Variants in DIAPH3 observed in about 807,000 individuals in gnomAD.
DIAPH3 encodes diaphanous related formin 3.
DIAPH3 carries 117 observed loss-of-function variants against 144.3 expected under a neutral mutation model. The observed-to-expected ratio is 0.81, with a 90% CI of 0.70 to 0.95. The LOEUF is 0.95. Among genes scored for constraint, DIAPH3 ranks in the 40% least tolerant of loss-of-function variants. DIAPH3 has a pLI of 0.00. For missense variants in DIAPH3, 1,421 were observed against 1,412.7 expected, an observed-to-expected ratio of 1.01 and a Z score of -0.09; for synonymous variants, 519 against 488.9, an observed-to-expected ratio of 1.06 and a Z score of -0.81.
intron 27 of DIAPH3, among the ~76,000 whole-genome samples, chr13:59,678,456 A>G (rs2032761529): frequency 6.6e-6 from 1 of 152,158 alleles, no homozygotes; most frequent in Admixed American, 6.5e-5. Flanking sequence ...TTACAGGTTT[A>G]CAGACAAGTG....
chr13:59,670,468 A>G (rs2032300302), intron 27 of DIAPH3, among the ~76,000 whole-genome samples: 2 of 152,150 alleles, frequency 1.3e-5, no homozygotes, highest in African/African-American at 4.8e-5. Context: ...TGTAGAAATG[A>G]GCAAGTCAGA....
intron 1 of DIAPH3, among the ~76,000 whole-genome samples, chr13:60,162,649 C>G (rs1468329377): frequency 6.6e-6 from 1 of 152,142 alleles, no homozygotes; most frequent in African/African-American, 2.4e-5. Context: ...TATGGGCTCT[C>G]AGTCTTATTC....
intron 27 of DIAPH3, among the ~76,000 whole-genome samples, chr13:59,687,360 T>G (rs1166345074): frequency 6.6e-6 from 1 of 152,066 alleles, no homozygotes; most frequent in African/African-American, 2.4e-5. Flanking sequence ...CAAAATAACT[T>G]AGTTTGGACT....
At chr13:59,918,710 G>A (rs2047362123) in intron 18 of DIAPH3, among the ~76,000 whole-genome samples, 7 of 152,054 alleles carry the variant, frequency 4.6e-5, no homozygotes, top group Admixed American at 4.6e-4. Flanking sequence ...ACTTACTGTT[G>A]AAAGATGACC....
At chr13:60,007,262 G>T (rs60419469) in intron 9 of DIAPH3, among the ~76,000 whole-genome samples, 5,553 of 152,172 alleles carry the variant, frequency 0.036, 130 homozygotes, top group East Asian at 0.074. Flanking sequence ...TGTTGGCCAG[G>T]CTGGTCTTGA....
chr13:59,791,437 T>C (rs2039319434), intron 25 of DIAPH3, among the ~76,000 whole-genome samples: 1 of 152,196 alleles, frequency 6.6e-6, no homozygotes, highest in African/African-American at 2.4e-5. Context: ...CTCCCCTCTT[T>C]CAAAGTAGCT....
chr13:59,993,702 T>TAAAA (rs3078724), intron 9 of DIAPH3, among the ~76,000 whole-genome samples: 6 of 73,870 alleles, frequency 8.1e-5, no homozygotes, highest in African/African-American at 2.4e-4. Context: ...GAAACATACT[T>TAAAA]AAAAAAAAAA....
At chr13:59,958,296 A>T (rs1268601065) in intron 17 of DIAPH3, among the ~76,000 whole-genome samples, 3 of 152,212 alleles carry the variant, frequency 2.0e-5, no homozygotes, top group Non-Finnish European at 4.4e-5. Context: ...AAAGGTCTCT[A>T]TTGCCAGAGT....
At chr13:59,788,657 C>G (rs918572919) in intron 25 of DIAPH3, among the ~76,000 whole-genome samples, 2 of 152,106 alleles carry the variant, frequency 1.3e-5, no homozygotes, top group African/African-American at 4.8e-5. Flanking sequence ...ACTATGACAT[C>G]CATATACCAG....
chr13:60,088,527 T>C lies in DIAPH3; in HGVS notation c.495+5101A>G, dbSNP rs140766289. ...GCCTCTCAGGACTTCCCTAGTTTCATATTGCCGCAGATTACCCGGACAAAC... is the reference window on the plus strand; with the variant it reads ...GCCTCTCAGGACTTCCCTAGTTTCACATTGCCGCAGATTACCCGGACAAAC... On this transcript the variant is annotated intron_variant, in intron 4 of 27. Transcript: ENST00000400324. Among the ~76,000 whole-genome samples the C allele has an allele frequency of 3.3e-3, 495 of 152,260 alleles. 3 individuals carry two copies. The highest frequency in any genetic ancestry group is 0.011 in the African/African-American group (454 of 41,550).
intron 2 of DIAPH3, among the ~76,000 whole-genome samples, chr13:60,124,657 G>A (rs963228811): frequency 2.6e-5 from 4 of 151,756 alleles, no homozygotes; most frequent in Non-Finnish European, 4.4e-5. Context: ...ATTAAGATAC[G>A]GTCTTGGTAA....
In DIAPH3 at chr13:59,791,587, CTT is replaced by C. The variant is rs2039327537; in HGVS notation, c.3164-16766_3164-16765del. The stretch of plus-strand genomic sequence containing the variant: ...TAAAGCTCATTCTTTCCACTATAGA[CTT>C]TTATTGAGAGAGGTGTTACATGAAA... On this transcript the variant is annotated intron_variant, in intron 25 of 27. Transcript: ENST00000400324. 3.9e-5 allele frequency among the ~76,000 whole-genome samples: 6 copies of C among 152,178 alleles called. No homozygotes were observed. In the South Asian group the frequency reaches 1.2e-3, roughly 32 times the overall value.
At chr13:59,798,559 A>G (rs2039731303) in intron 25 of DIAPH3, among the ~76,000 whole-genome samples, 2 of 152,178 alleles carry the variant, frequency 1.3e-5, no homozygotes, top group Admixed American at 6.5e-5. Context: ...TTTGGTATCC[A>G]CCTAATTCAA....
chr13:59,769,963 T>A (rs2038040581), intron 27 of DIAPH3, among the ~76,000 whole-genome samples: 1 of 152,124 alleles, frequency 6.6e-6, no homozygotes, highest in Admixed American at 6.6e-5. Context: ...CCTGTACTCA[T>A]CAACAAATAC....
chr13:59,915,535 A>G (rs1317318882), intron 19 of DIAPH3, among the ~76,000 whole-genome samples: 1 of 152,064 alleles, frequency 6.6e-6, no homozygotes, highest in Non-Finnish European at 1.5e-5. Context: ...TTGTGTTTTG[A>G]TTCTCCAACT....
chr13:60,159,052 A>G (rs1446484841), intron 1 of DIAPH3, among the ~76,000 whole-genome samples: 1 of 151,978 alleles, frequency 6.6e-6, no homozygotes, highest in African/African-American at 2.4e-5. Context: ...CTTCCAAATA[A>G]CCCAAAGTAA....
intron 20 of DIAPH3, 52 bp from the exon 21 acceptor site, chr13:59,879,520 G>T: frequency 6.2e-7 from 1 of 1,609,150 alleles, no homozygotes; most frequent in Non-Finnish European, 8.5e-7. Context: ...GTATAGTTTA[G>T]TACTGTACGA....
At chr13:59,669,590 T>TA (rs2032237215) in intron 27 of DIAPH3, among the ~76,000 whole-genome samples, 1 of 152,138 alleles carries the variant, frequency 6.6e-6, no homozygotes. Context: ...TTTGCTTGGA[T>TA]GTGACTTTTG....
intron 5 of DIAPH3, among the ~76,000 whole-genome samples, chr13:60,034,086 A>G (rs2055010909): frequency 1.3e-5 from 2 of 152,210 alleles, no homozygotes; most frequent in Admixed American, 6.5e-5. Context: ...TAAGGAATAA[A>G]CTATACTGAT....
Sources: gnomAD v4.1 joint callset for allele counts (sites outside exome capture counted in the v4.1 genomes callset) on GRCh38, gnomAD v4.1.1 for gene constraint, MANE v1.5 for transcripts, NCBI Gene and HGNC (gene_info 2026-07-23, HGNC 2026-07-21) for gene names.